TARBP1: variants seen among roughly 807,000 people sequenced by gnomAD.
TARBP1 encodes tRNA (guanosine(18)-2'-O)-methyltransferase TARBP1.
Under a neutral mutation model 178.6 loss-of-function variants are expected in TARBP1, and 144 were observed. The observed-to-expected ratio is 0.81, with a 90% CI of 0.70 to 0.93. The LOEUF (loss-of-function observed/expected upper bound fraction) is 0.93, where lower values mean the gene tolerates loss of function less well. Among genes scored for constraint, TARBP1 ranks in the 40% least tolerant of loss-of-function variants. The pLI is 0.00. For synonymous variants in TARBP1, 787 were observed against 781.0 expected, an observed-to-expected ratio of 1.01 and a Z score of -0.13; for missense variants, 2,067 against 2,011.7, an observed-to-expected ratio of 1.03 and a Z score of -0.53.
At chr1:234,474,516 G>C (rs1435939337) in intron 1 of TARBP1, among the ~76,000 whole-genome samples, 2 of 152,118 alleles carry the variant, frequency 1.3e-5, no homozygotes, top group East Asian at 3.9e-4. Context: ...GATGAAAATA[G>C]ACTCCTATCA....
chr1:234,478,287 G>C lies in TARBP1; in HGVS notation c.817C>G (p.Leu273Val). 1 of 1,574,214 alleles carries C rather than the reference G, an allele frequency of 6.4e-7. No individual in the cohort carries two copies. Among genetic ancestry groups the C allele is most frequent in the Non-Finnish European group, 8.6e-7 (1 of 1,160,982 alleles). The part of the protein sequence containing the change: ...WRFWRTVQAG[L>V]GQADALTRKR... ...CGCGTCAGGGCGTCCGCCTGGCCCA[G>C]CCCCGCCTGCACCGTCCTCCAGAAG... The change falls in exon 1 of 30, where the codon CTG (leucine) becomes GTG (valine). Residue 273 changes from leucine (L) to valine (V), a missense_variant. Physicochemically the swap from Leu to Val is conservative, Grantham distance 32. Coordinates refer to ENST00000040877, the MANE Select transcript of TARBP1 (RefSeq NM_005646.4).
At chr1:234,396,749 A>G (rs1659971529) in intron 26 of TARBP1, among the ~76,000 whole-genome samples, 1 of 151,836 alleles carries the variant, frequency 6.6e-6, no homozygotes, top group African/African-American at 2.4e-5. Flanking sequence ...GTGGTTCCAG[A>G]CCCATAATTG....
Position 234,427,585 on chromosome 1 carries a change from C to G in TARBP1, c.3242G>C (p.Arg1081Pro). The change falls in exon 18 of 30, where the codon CGT becomes CCT. Residue 1081 changes from arginine (R) to proline (P), a missense_variant. Physicochemically the swap from Arg to Pro is moderately radical, Grantham distance 103 (BLOSUM62 -2). Transcript: ENST00000040877. ...EACIFGTVFR[R>P]DQRLVQDVQT... The stretch of plus-strand genomic sequence containing the variant: ...TAATAGCATCTTTTACCTTTGATCA[C>G]GCCTAAACACAGTTCCAAATATACA... 1 of 1,598,980 alleles carries G rather than the reference C, an allele frequency of 6.3e-7. No homozygotes were observed. Among genetic ancestry groups the G allele is most frequent in the South Asian group, 1.1e-5 (1 of 87,504 alleles).
Position 234,478,719 on chromosome 1 carries a change from G to A in TARBP1, c.385C>T (p.Leu129Phe), listed in dbSNP as rs1669833140. Residue 129 changes from leucine to phenylalanine, a missense_variant, in exon 1 of 30, where the codon CTC becomes TTC. Transcript: ENST00000040877. ...ALAEEALRDL[L>F]AGWRAPGAEA... is the part of the protein sequence containing the mutation. ...GCGCCAGGCGCGCGCCACCCGGCGA[G>A]CAGATCGCGCAGCGCCTCCTCAGCC... 8.3e-7 allele frequency: 1 copy of A among 1,198,766 alleles called. No individual in the cohort carries two copies. 74.3% of individuals were successfully genotyped at this position (1,198,766 alleles called of 1,614,324 possible).
intron 12 of TARBP1, among the ~76,000 whole-genome samples, chr1:234,437,950 G>C (rs754450759): frequency 2.0e-5 from 3 of 152,220 alleles, no homozygotes; most frequent in Middle Eastern, 3.2e-3. Flanking sequence ...GCACGGATCT[G>C]ATGCTAATCA....
intron 12 of TARBP1, among the ~76,000 whole-genome samples, chr1:234,443,957 A>G (rs2103191367): frequency 6.6e-6 from 1 of 152,298 alleles, no homozygotes; most frequent in Admixed American, 6.5e-5. Flanking sequence ...GGGCCTGGGG[A>G]AAGAGGAAAA....
At chr1:234,424,848 G>C (rs1220188346) in intron 20 of TARBP1, among the ~76,000 whole-genome samples, 1 of 152,122 alleles carries the variant, frequency 6.6e-6, no homozygotes, top group African/African-American at 2.4e-5. Context: ...GATTACCTGA[G>C]GTCGGGAGTT....
intron 17 of TARBP1, among the ~76,000 whole-genome samples, chr1:234,428,458 C>T (rs533613761): frequency 5.9e-5 from 9 of 152,206 alleles, no homozygotes; most frequent in Non-Finnish European, 8.8e-5. Context: ...CCTACTCAAC[C>T]GAGCGATCAA....
intron 1 of TARBP1, among the ~76,000 whole-genome samples, chr1:234,477,754 T>C (rs1669700249): frequency 6.6e-6 from 1 of 151,938 alleles, no homozygotes; most frequent in Non-Finnish European, 1.5e-5. Flanking sequence ...CGCTTAATTC[T>C]AACACTCAAC....
At chr1:234,469,077 T>TTAA (rs1413764322) in intron 3 of TARBP1, among the ~76,000 whole-genome samples, 1,099 of 63,428 alleles carry the variant, frequency 0.017, 14 homozygotes, top group African/African-American at 0.025. Context: ...TTTTTTTTTT[T>TTAA]AAAAAAAAAA....
chr1:234,472,472 A>C (rs919733897), intron 2 of TARBP1, among the ~76,000 whole-genome samples: 3 of 152,080 alleles, frequency 2.0e-5, no homozygotes, highest in Non-Finnish European at 4.4e-5. Flanking sequence ...GATAAACGTT[A>C]AAGTTTTAGA....
chr1:234,441,473 G>T (rs1055884224), intron 12 of TARBP1, among the ~76,000 whole-genome samples: 1 of 152,162 alleles, frequency 6.6e-6, no homozygotes, highest in Non-Finnish European at 1.5e-5. Context: ...TAAACACTTA[G>T]ATCAAAAGAA....
chr1:234,474,194 T>C (rs1194740697), intron 1 of TARBP1, among the ~76,000 whole-genome samples: 1 of 151,130 alleles, frequency 6.6e-6, no homozygotes, highest in Non-Finnish European at 1.5e-5. Context: ...TAGTGAGCTA[T>C]AATCACGCCA....
At chr1:234,428,476 G>C (rs554158851) in intron 17 of TARBP1, among the ~76,000 whole-genome samples, 82 of 152,186 alleles carry the variant, frequency 5.4e-4, no homozygotes, top group Middle Eastern at 3.4e-3. Flanking sequence ...CAATTACATT[G>C]TCATGGAAGA....
rs936623422 is a variant in TARBP1, at chr1:234,420,877, T to A, written c.3445-65A>T. 5.9e-6 allele frequency: 6 copies of A among 1,022,092 alleles called. No individual in the cohort carries two copies. The African/African-American group carries it at 9.8e-5, about 17-fold the overall frequency. The allele number at this position is 1,022,092 out of a possible 1,614,324, so 63.3% of individuals were successfully genotyped here. A position where few individuals can be genotyped will look rare whatever the true frequency, so the allele number is the denominator to read the frequency against. The stretch of plus-strand genomic sequence containing the variant: ...ATTGAATTTGTGATTAATGAAAAAA[T>A]CAATGACAACTTGAAATGTAAGTGG... On this transcript the variant is annotated intron_variant, in intron 20 of 29. Coordinates refer to ENST00000040877, the MANE Select transcript of TARBP1 (RefSeq NM_005646.4).
intron 1 of TARBP1, among the ~76,000 whole-genome samples, chr1:234,476,116 T>C (rs1007738559): frequency 6.6e-6 from 1 of 152,144 alleles, no homozygotes; most frequent in Non-Finnish European, 1.5e-5. Context: ...ATAACTATAA[T>C]TGATATGCTA....
intron 24 of TARBP1, among the ~76,000 whole-genome samples, chr1:234,402,416 G>C (rs544738697): frequency 2.0e-5 from 3 of 152,258 alleles, no homozygotes; most frequent in South Asian, 4.1e-4. Context: ...TAAATAAGTT[G>C]ACTCTGTCTC....
Position 234,448,559 on chromosome 1 carries a change from G to A in TARBP1, c.1882C>T (p.Pro628Ser), listed in dbSNP as rs34287615. 1.9e-6 allele frequency: 3 copies of A among 1,613,686 alleles called. No individual in the cohort carries two copies. In the African/African-American group the frequency reaches 4.0e-5, roughly 22 times the overall value. Residue 628 changes from proline to serine, a missense_variant, in exon 11 of 30, where the codon CCT (proline) becomes TCT (serine). Transcript: ENST00000040877. Reference sequence around the variant, plus strand: ...ACAAGCTTGGCTTCAAACCAATCAGGCATAAAGCAGTTTTCTCCTGCTTAA... The same window carrying A: ...ACAAGCTTGGCTTCAAACCAATCAGACATAAAGCAGTTTTCTCCTGCTTAA... ...AWETGENCFM[P>S]DWFEAKLVSL...
intron 21 of TARBP1, among the ~76,000 whole-genome samples, chr1:234,420,386 G>A (rs1057299284): frequency 6.6e-6 from 1 of 152,148 alleles, no homozygotes; most frequent in East Asian, 1.9e-4. Flanking sequence ...AAAATTAGGA[G>A]TTAAGTATTT....
Sources: gnomAD v4.1 joint callset for allele counts (sites outside exome capture counted in the v4.1 genomes callset) on GRCh38, gnomAD v4.1.1 for gene constraint, MANE v1.5 for transcripts, NCBI Gene and HGNC (gene_info 2026-07-23, HGNC 2026-07-21) for gene names.